DTWD2: variants seen among roughly 807,000 people sequenced by gnomAD.
DTWD2 encodes the protein tRNA-uridine aminocarboxypropyltransferase 2.
A neutral mutation model predicts 31.8 loss-of-function variants in DTWD2; 39 were observed. The ratio of observed to expected loss-of-function variants is 1.22; its 90% CI spans 0.95 to 1.60. DTWD2 has a LOEUF of 1.60. DTWD2 is among the 40% of genes most tolerant of loss of function. The pLI, the probability that DTWD2 is intolerant of heterozygous loss-of-function variation, is 0.00. For synonymous variants in DTWD2, 180 were observed against 142.8 expected, an observed-to-expected ratio of 1.26 and a Z score of -1.86; for missense variants, 515 against 381.5, an observed-to-expected ratio of 1.35 and a Z score of -2.92.
At chr5:118,979,814 C>G (rs933512129) in intron 1 of DTWD2, among the ~76,000 whole-genome samples, 3 of 152,190 alleles carry the variant, frequency 2.0e-5, no homozygotes, top group Non-Finnish European at 4.4e-5. Context: ...CACACAGACA[C>G]AAAGTGGGGA....
rs777441610 is a variant in DTWD2 at position 118,841,043 on chromosome 5, C to T, written c.771G>A (p.Gln257=). The T allele has an allele frequency of 6.2e-7, 1 of 1,613,326 alleles. No homozygotes were observed. Among genetic ancestry groups the T allele is most frequent in the South Asian group, 1.1e-5 (1 of 91,004 alleles). ...TGCTGAGGCGAATTTGGGCACCATG[C>T]TGAAGTTGAAAGGAGCATAAAGCTT... The part of the protein sequence containing the change: ...PLQALCSFQL[Q]HGAQIRLSKE... The change falls in exon 6 of 6, where the codon CAG becomes CAA. Residue 257 remains glutamine, a synonymous_variant. Transcript: ENST00000510708.
intron 4 of DTWD2, among the ~76,000 whole-genome samples, chr5:118,879,789 T>A (rs1206417735): frequency 1.3e-5 from 2 of 151,900 alleles, no homozygotes; most frequent in East Asian, 1.9e-4. Flanking sequence ...ACAACACACA[T>A]TGGGGCCTAC....
intron 4 of DTWD2, among the ~76,000 whole-genome samples, chr5:118,893,830 C>A (rs1753026448): frequency 6.6e-6 from 1 of 151,972 alleles, no homozygotes; most frequent in Admixed American, 6.6e-5. Flanking sequence ...TCAGCTGGAC[C>A]CAGCAAGAAG....
chr5:118,987,552 C>G (rs142707203), intron 1 of DTWD2, among the ~76,000 whole-genome samples: 1 of 152,184 alleles, frequency 6.6e-6, no homozygotes, highest in Non-Finnish European at 1.5e-5. Context: ...CAGTAGCAAC[C>G]CATTCCTTTC....
chr5:118,973,739 C>T lies in DTWD2; in HGVS notation c.218+14555G>A. ...ACTCCGGCAGCTTTATCGCCAGAGT[C>T]CCTGAACTCTCGCTTTCTTTTTAAT... On this transcript the variant is annotated intron_variant, in intron 1 of 5. Coordinates refer to ENST00000510708, the MANE Select transcript of DTWD2 (RefSeq NM_173666.4). 5 of 1,591,562 alleles carry T rather than the reference C, an allele frequency of 3.1e-6. No individual in the cohort carries two copies. In the Middle Eastern group the frequency reaches 6.8e-4, roughly 216 times the overall value.
chr5:118,900,367 G>T (rs558445535), intron 4 of DTWD2, among the ~76,000 whole-genome samples: 1 of 152,178 alleles, frequency 6.6e-6, no homozygotes, highest in Non-Finnish European at 1.5e-5. Flanking sequence ...AAAGCTACTT[G>T]TCATATAAAC....
At chr5:118,893,464 A>G (rs1396586505) in intron 4 of DTWD2, among the ~76,000 whole-genome samples, 1 of 152,124 alleles carries the variant, frequency 6.6e-6, no homozygotes, top group East Asian at 1.9e-4. Context: ...AAAATAAACA[A>G]GAAGCCAATG....
At chr5:118,907,931 G>C (rs865397) in intron 4 of DTWD2, among the ~76,000 whole-genome samples, 92,761 of 152,004 alleles carry the variant, frequency 0.61, 29,786 homozygotes, top group African/African-American at 0.83. Flanking sequence ...TTAATCTCCT[G>C]CAAAATACTT....
chr5:118,975,185 T>C (rs1278624990), intron 1 of DTWD2, among the ~76,000 whole-genome samples: 1 of 152,206 alleles, frequency 6.6e-6, no homozygotes, highest in Non-Finnish European at 1.5e-5. Flanking sequence ...TTTGGTCTTT[T>C]CACATAGTCC....
intron 1 of DTWD2, among the ~76,000 whole-genome samples, chr5:118,945,766 AAAAAAAAAAAAGAAAG>A (rs1465859088): frequency 1.1e-5 from 1 of 90,498 alleles, no homozygotes; most frequent in African/African-American, 6.4e-5. Flanking sequence ...CTCCAACTCA[AAAAAAAAAAAAGAAAG>A]AAAGAAAGAA....
chr5:118,987,957 A>C (rs1462796858), intron 1 of DTWD2, among the ~76,000 whole-genome samples: 1 of 152,208 alleles, frequency 6.6e-6, no homozygotes, highest in Non-Finnish European at 1.5e-5. Context: ...TATGCCACTT[A>C]AATATGACTG....
At chr5:118,848,585 A>C (rs1751915997) in intron 4 of DTWD2, among the ~76,000 whole-genome samples, 1 of 152,194 alleles carries the variant, frequency 6.6e-6, no homozygotes, top group Admixed American at 6.5e-5. Context: ...CACACTCAAC[A>C]GAGTAGCTAA....
intron 1 of DTWD2, among the ~76,000 whole-genome samples, chr5:118,979,555 G>T (rs1755250468): frequency 6.6e-6 from 1 of 152,112 alleles, no homozygotes; most frequent in African/African-American, 2.4e-5. Flanking sequence ...ATATATGCAT[G>T]CGTATGTTCA....
chr5:118,911,110 T>A (rs58269701), intron 4 of DTWD2, among the ~76,000 whole-genome samples: 1 of 152,196 alleles, frequency 6.6e-6, no homozygotes, highest in Non-Finnish European at 1.5e-5. Flanking sequence ...GGAACTTATA[T>A]AACTCAATAG....
At chr5:118,975,772 C>G (rs936127858) in intron 1 of DTWD2, among the ~76,000 whole-genome samples, 6 of 152,168 alleles carry the variant, frequency 3.9e-5, no homozygotes, top group Non-Finnish European at 7.4e-5. Context: ...ACCATCAATA[C>G]TGGACCGATC....
At chr5:118,905,770 A>C (rs1367165860) in intron 4 of DTWD2, among the ~76,000 whole-genome samples, 1 of 152,116 alleles carries the variant, frequency 6.6e-6, no homozygotes, top group Non-Finnish European at 1.5e-5. Context: ...TTAAAATTTT[A>C]TCTCTTCCCA....
At chr5:118,974,192 G>A (rs536818481) in intron 1 of DTWD2, 46 of 1,393,198 alleles carry the variant, frequency 3.3e-5, no homozygotes, top group Admixed American at 8.0e-5. Flanking sequence ...TCCACTTCCC[G>A]TCTCAGAATC....
intron 1 of DTWD2, among the ~76,000 whole-genome samples, chr5:118,970,162 C>G (rs1314247363): frequency 6.6e-6 from 1 of 152,258 alleles, no homozygotes; most frequent in Non-Finnish European, 1.5e-5. Flanking sequence ...CACAGTGGCT[C>G]ACGCCTGCAA....
intron 1 of DTWD2, among the ~76,000 whole-genome samples, chr5:118,961,447 T>C (rs575203785): frequency 2.0e-5 from 3 of 152,222 alleles, no homozygotes; most frequent in African/African-American, 7.2e-5. Context: ...TAATTCACTA[T>C]ATGTTCTAAA....
Sources: gnomAD v4.1 joint callset for allele counts (sites outside exome capture counted in the v4.1 genomes callset) on GRCh38, gnomAD v4.1.1 for gene constraint, MANE v1.5 for transcripts, NCBI Gene and HGNC (gene_info 2026-07-23, HGNC 2026-07-21) for gene names.